Variants in PTGER4 observed in about 807,000 individuals in gnomAD.
PTGER4 encodes the protein prostaglandin E2 receptor EP4 subtype.
PTGER4 carries 11 observed loss-of-function variants against 33.2 expected under a neutral mutation model. The ratio of observed to expected loss-of-function variants is 0.33; its 90% confidence interval spans 0.21 to 0.55. PTGER4 has a LOEUF of 0.55. Among genes scored for constraint, PTGER4 ranks in the 20% least tolerant of loss-of-function variants. The pLI is 0.92. For missense variants in PTGER4, 481 were observed against 650.2 expected, an observed-to-expected ratio of 0.74 and a Z score of 2.83; for synonymous variants, 275 against 281.5, an observed-to-expected ratio of 0.98 and a Z score of 0.23.
the PTGER4 span, among the ~76,000 whole-genome samples, chr5:40,742,133 G>C: frequency 6.6e-6 from 1 of 151,720 alleles, no homozygotes; most frequent in Non-Finnish European, 1.5e-5. Flanking sequence ...CAATTTTCTA[G>C]TTGTTTGGGG....
chr5:40,737,786 T>C, the PTGER4 span, among the ~76,000 whole-genome samples: 1 of 152,218 alleles, frequency 6.6e-6, no homozygotes, highest in African/African-American at 2.4e-5. Flanking sequence ...ATTTTTTCTG[T>C]CACTATGGAT....
chr5:40,729,204 T>A, the PTGER4 span, among the ~76,000 whole-genome samples: 22 of 152,184 alleles, frequency 1.4e-4, 1 homozygote. Flanking sequence ...GGAATACAAA[T>A]GAAGGTCCTC....
the PTGER4 span, among the ~76,000 whole-genome samples, chr5:40,722,247 G>C: frequency 2.0e-5 from 3 of 152,098 alleles, no homozygotes; most frequent in African/African-American, 7.2e-5. Context: ...GCGTGATCTC[G>C]GCTCGCTGCA....
chr5:40,715,873 G>A, the PTGER4 span: 1 of 324,004 alleles, frequency 3.1e-6, no homozygotes, highest in African/African-American at 2.1e-5. Flanking sequence ...TCTTTAAAAT[G>A]TATTCATTTA....
rs762909029 is a variant in PTGER4 at position 40,692,299 on chromosome 5, C to T, written c.1388C>T (p.Ala463Val). 1 of 1,612,148 alleles carries T rather than the reference C, an allele frequency of 6.2e-7. No homozygotes were observed. Among genetic ancestry groups the T allele is most frequent in the Admixed American group, 1.7e-5 (1 of 59,650 alleles). Residue 463 changes from alanine (A) to valine (V), a missense_variant, in exon 3 of 3, where the codon GCT becomes GTT. Ala to Val is a moderately conservative substitution (Grantham distance 64). Transcript: ENST00000302472. ...LVDEAGGSGR[A>V]GPAPKGSSLQ... Reference sequence around the variant, plus strand: ...GATGAGGCTGGTGGGAGCGGCAGGGCTGGGCCTGCCCCTAAGGGGAGCTCC... The same window carrying T: ...GATGAGGCTGGTGGGAGCGGCAGGGTTGGGCCTGCCCCTAAGGGGAGCTCC...
chr5:40,746,304 C>T, the PTGER4 span, among the ~76,000 whole-genome samples: 1 of 152,048 alleles, frequency 6.6e-6, no homozygotes. Flanking sequence ...ATAAATGAAG[C>T]TATTATCAAC....
the PTGER4 span, among the ~76,000 whole-genome samples, chr5:40,727,149 GA>G: frequency 6.6e-6 from 1 of 152,022 alleles, no homozygotes; most frequent in Admixed American, 6.5e-5. Flanking sequence ...AAGAATGCCA[GA>G]AAAAAAGCTC....
chr5:40,743,527 C>T, the PTGER4 span, among the ~76,000 whole-genome samples: 19 of 151,848 alleles, frequency 1.3e-4, no homozygotes, highest in Admixed American at 3.9e-4. Context: ...AATCTCAGCA[C>T]TTTGGGAGGC....
At chr5:40,697,078 G>C (rs530832690), downstream of PTGER4, among the ~76,000 whole-genome samples, 2 of 69,316 alleles carry the variant, frequency 2.9e-5, no homozygotes, top group Admixed American at 2.8e-4. Context: ...AGAAAGGAAG[G>C]AAGGAAGGAA....
chr5:40,739,382 T>A, the PTGER4 span, among the ~76,000 whole-genome samples: 2 of 152,222 alleles, frequency 1.3e-5, no homozygotes, highest in African/African-American at 4.8e-5. Flanking sequence ...TTCCAATCTA[T>A]GAGCATTGAT....
the PTGER4 span, among the ~76,000 whole-genome samples, chr5:40,737,216 G>A: frequency 6.6e-6 from 1 of 151,728 alleles, no homozygotes; most frequent in African/African-American, 2.4e-5. Context: ...AGAATCACTT[G>A]AACCTGGAAA....
chr5:40,716,508 A>G, the PTGER4 span: 2 of 1,567,952 alleles, frequency 1.3e-6, no homozygotes, highest in East Asian at 4.5e-5. Flanking sequence ...CCTAGAAAAT[A>G]AGGTCAGAGT....
At chr5:40,723,870 A>T in the PTGER4 span, among the ~76,000 whole-genome samples, 1 of 152,186 alleles carries the variant, frequency 6.6e-6, no homozygotes, top group Non-Finnish European at 1.5e-5. Flanking sequence ...CTCTCAAAAA[A>T]AAACAAACAA....
intron 2 of PTGER4, among the ~76,000 whole-genome samples, chr5:40,687,211 A>G (rs1207764907): frequency 2.6e-5 from 4 of 151,944 alleles, no homozygotes; most frequent in Non-Finnish European, 5.9e-5. Flanking sequence ...ACGCCCGGCT[A>G]ATTTTGTATT....
At chr5:40,725,110 C>A in the PTGER4 span, among the ~76,000 whole-genome samples, 13 of 151,414 alleles carry the variant, frequency 8.6e-5, no homozygotes, top group Non-Finnish European at 1.6e-4. Flanking sequence ...AGCCTCCCAA[C>A]ATGCTGGGAT....
At chr5:40,744,313 T>C in the PTGER4 span, among the ~76,000 whole-genome samples, 1 of 152,194 alleles carries the variant, frequency 6.6e-6, no homozygotes, top group Admixed American at 6.5e-5. Context: ...TATTCCCAAT[T>C]TGAGATGCTA....
chr5:40,693,010 T>TA lies in PTGER4; in HGVS notation c.*636dup. 1.1e-6 allele frequency: 1 copy of TA among 904,530 alleles called. No individual in the cohort carries two copies. Among genetic ancestry groups the TA allele is most frequent in the Non-Finnish European group, 1.3e-6 (1 of 756,222 alleles). The allele number at this position is 904,530 out of a possible 1,614,324, so 56.0% of individuals were successfully genotyped here. A position where few individuals can be genotyped will look rare whatever the true frequency, so the allele number is the denominator to read the frequency against. On this transcript the variant is annotated 3_prime_UTR_variant, in exon 3 of 3. Transcript: ENST00000302472. ...AAATTCATAGTAAGATTGATATCTA[T>TA]AAAATAGATATAAATTTTTAAGAGA...
the PTGER4 span, among the ~76,000 whole-genome samples, chr5:40,702,802 C>T: frequency 6.6e-6 from 1 of 152,198 alleles, no homozygotes; most frequent in African/African-American, 2.4e-5. Context: ...GAACCAAAGT[C>T]ATACCAAACA....
rs571357060 is a variant in PTGER4 at position 40,692,904 on chromosome 5, G to A, written c.*526G>A. The A allele has an allele frequency of 1.6e-5, 16 of 981,492 alleles. No individual in the cohort carries two copies. The highest frequency in any genetic ancestry group is 1.7e-5 in the Non-Finnish European group (14 of 826,184). The allele number at this position is 981,492 out of a possible 1,614,324, so 60.8% of individuals were successfully genotyped here. On this transcript the variant is annotated 3_prime_UTR_variant, in exon 3 of 3. Coordinates refer to ENST00000302472, the MANE Select transcript of PTGER4 (RefSeq NM_000958.3). The stretch of plus-strand genomic sequence containing the variant: ...TAATACAAGGTATAATAAAATTATC[G>A]CAACCCCTCTCCTTCCAGTATAACC...
Sources: allele counts gnomAD v4.1 joint callset (sites outside exome capture counted in the v4.1 genomes callset), GRCh38; gene constraint gnomAD v4.1.1; transcripts MANE v1.5; gene names NCBI Gene and HGNC (gene_info 2026-07-23, HGNC 2026-07-21).